MAP1B: variants seen among roughly 807,000 people sequenced by gnomAD.
MAP1B encodes the protein microtubule associated protein 1B, also known as microtubule-associated protein 1B.
MAP1B carries 12 observed loss-of-function variants against 176.1 expected under a neutral mutation model. The ratio of observed to expected loss-of-function variants is 0.07; its 90% CI spans 0.04 to 0.11. The LOEUF is 0.11. Among genes scored for constraint, MAP1B ranks in the 10% least tolerant of loss-of-function variants. The pLI is 1.00. For missense variants in MAP1B, 2,523 were observed against 2,990.5 expected, an observed-to-expected ratio of 0.84 and a Z score of 3.65; for synonymous variants, 1,044 against 1,135.0, an observed-to-expected ratio of 0.92 and a Z score of 1.61.
In MAP1B at chr5:72,195,933, C is replaced by T. The variant is rs763571891; in HGVS notation, c.2578C>T (p.Leu860=). 1 of 1,614,222 alleles carries T rather than the reference C, an allele frequency of 6.2e-7. No homozygotes were observed. Among genetic ancestry groups the T allele is most frequent in the East Asian group, 2.2e-5 (1 of 44,882 alleles). ...AAAGGACATCAAGCCTCAGCTGGAG[C>T]TAATCGAAGACGAAGAGAAACTGAA... ...VTKDIKPQLE[L]IEDEEKLKET... The change falls in exon 5 of 7, where the codon CTA becomes TTA. Residue 860 remains leucine (L), a synonymous_variant. Transcript: ENST00000296755.
intron 2 of MAP1B, among the ~76,000 whole-genome samples, chr5:72,174,398 C>A (rs1746609414): frequency 6.6e-6 from 1 of 152,194 alleles, no homozygotes; most frequent in Admixed American, 6.5e-5. Context: ...ATAGAACTGA[C>A]CACAATATGC....
Position 72,200,026 on chromosome 5 carries a change from C to T in MAP1B, c.6671C>T (p.Ala2224Val). The T allele has an allele frequency of 6.2e-7, 1 of 1,614,204 alleles. No individual in the cohort carries two copies. The highest frequency in any genetic ancestry group is 8.5e-7 in the Non-Finnish European group (1 of 1,180,038). The change falls in exon 5 of 7, where the codon GCC becomes GTC. Residue 2224 changes from alanine (A) to valine (V), a missense_variant. By Grantham distance (64) the Ala-to-Val change is moderately conservative (BLOSUM62 0). Coordinates refer to ENST00000296755, the MANE Select transcript of MAP1B (RefSeq NM_005909.5). ...HPDVSMVDPE[A>V]LAIEQNLGKA... ...GATGTGTCCATGGTGGACCCAGAGG[C>T]CTTGGCCATTGAGCAGAACCTGGGC... is the stretch of plus-strand genomic sequence containing the variant.
chr5:72,147,565 T>C (rs138918338), intron 2 of MAP1B, among the ~76,000 whole-genome samples: 1 of 152,068 alleles, frequency 6.6e-6, no homozygotes, highest in Non-Finnish European at 1.5e-5. Flanking sequence ...CTGGCATAGA[T>C]GCTTGGTCCC....
chr5:72,169,306 C>T (rs898736768), intron 2 of MAP1B, among the ~76,000 whole-genome samples: 1 of 152,158 alleles, frequency 6.6e-6, no homozygotes, highest in African/African-American at 2.4e-5. Flanking sequence ...TAGGCAATGT[C>T]TTCTTTTTAA....
At chr5:72,154,492 G>A (rs1490029045) in intron 2 of MAP1B, among the ~76,000 whole-genome samples, 1 of 152,208 alleles carries the variant, frequency 6.6e-6, no homozygotes, top group African/African-American at 2.4e-5. Context: ...ATGGCCATGG[G>A]CAGGTGAGAG....
At chr5:72,158,440 C>A (rs1256321963) in intron 2 of MAP1B, among the ~76,000 whole-genome samples, 1 of 152,076 alleles carries the variant, frequency 6.6e-6, no homozygotes, top group East Asian at 1.9e-4. Flanking sequence ...GTGATTAAAG[C>A]AGTTGGAGAA....
At chr5:72,140,085 C>T (rs1745920115) in intron 2 of MAP1B, among the ~76,000 whole-genome samples, 1 of 152,156 alleles carries the variant, frequency 6.6e-6, no homozygotes, top group Admixed American at 6.5e-5. Flanking sequence ...GCCTCAGCCT[C>T]CCAAGTAGCT....
intron 2 of MAP1B, among the ~76,000 whole-genome samples, chr5:72,125,169 A>T (rs1745604384): frequency 6.6e-6 from 1 of 152,160 alleles, no homozygotes; most frequent in Non-Finnish European, 1.5e-5. Flanking sequence ...CCGCTTTTTT[A>T]TCTAGAATTC....
intron 2 of MAP1B, among the ~76,000 whole-genome samples, chr5:72,154,441 A>G (rs1579998024): frequency 6.6e-6 from 1 of 152,178 alleles, no homozygotes; most frequent in East Asian, 1.9e-4. Context: ...ATATGACACA[A>G]AGGGATGTTT....
Position 72,198,930 on chromosome 5 carries a change from G to A in MAP1B, c.5575G>A (p.Asp1859Asn). ...RDLSTPGLEK[D>N]SGGKTPGDFS... The stretch of plus-strand genomic sequence containing the variant: ...TTTGTCCACACCTGGCCTGGAGAAG[G>A]ACAGTGGAGGGAAGACACCTGGTGA... The change falls in exon 5 of 7, where the codon GAC (aspartate) becomes AAC (asparagine). Residue 1859 changes from aspartate (D) to asparagine (N), a missense_variant. By Grantham distance (23) the Asp-to-Asn change is conservative (BLOSUM62 1). Coordinates refer to ENST00000296755, the MANE Select transcript of MAP1B (RefSeq NM_005909.5). The A allele has an allele frequency of 6.2e-7, 1 of 1,614,234 alleles. No individual in the cohort carries two copies. Among genetic ancestry groups the A allele is most frequent in the South Asian group, 1.1e-5 (1 of 91,080 alleles).
At chr5:72,130,120 A>G (rs1745702096) in intron 2 of MAP1B, among the ~76,000 whole-genome samples, 1 of 151,800 alleles carries the variant, frequency 6.6e-6, no homozygotes, top group Non-Finnish European at 1.5e-5. Context: ...AAAATAAAAT[A>G]AAATAAATTA....
rs559186362 is a variant in MAP1B at position 72,195,950 on chromosome 5, G to A, written c.2595G>A (p.Glu865=). The A allele has an allele frequency of 2.1e-5, 34 of 1,614,216 alleles. No individual in the cohort carries two copies. In the South Asian group the frequency reaches 3.7e-4, roughly 18 times the overall value. ...KPQLELIEDE[E]KLKETEPVEA... is the part of the protein sequence containing the mutation. Reference sequence around the variant, plus strand: ...AGCTGGAGCTAATCGAAGACGAAGAGAAACTGAAGGAAACTGAGCCAGTCG... The same window carrying A: ...AGCTGGAGCTAATCGAAGACGAAGAAAAACTGAAGGAAACTGAGCCAGTCG... Residue 865 remains glutamate, a synonymous_variant, in exon 5 of 7, where the codon GAG becomes GAA. Coordinates refer to ENST00000296755, the MANE Select transcript of MAP1B (RefSeq NM_005909.5).
intron 2 of MAP1B, among the ~76,000 whole-genome samples, chr5:72,137,899 GT>G (rs1483142731): frequency 2.0e-5 from 3 of 152,108 alleles, no homozygotes; most frequent in Non-Finnish European, 2.9e-5. Flanking sequence ...CATTTCCAAA[GT>G]TTTAAAATAG....
At chr5:72,139,352 G>T (rs141954079) in intron 2 of MAP1B, among the ~76,000 whole-genome samples, 1 of 152,186 alleles carries the variant, frequency 6.6e-6, no homozygotes, top group Non-Finnish European at 1.5e-5. Flanking sequence ...CTGGGTTCTC[G>T]TTCTGGCTGC....
rs765111292 is a variant in MAP1B at position 72,198,306 on chromosome 5, C to G, written c.4951C>G (p.Gln1651Glu). 1 of 1,614,146 alleles carries G rather than the reference C, an allele frequency of 6.2e-7. No homozygotes were observed. The highest frequency in any genetic ancestry group is 8.5e-7 in the Non-Finnish European group (1 of 1,180,038). Residue 1651 changes from glutamine (Q) to glutamate (E), a missense_variant, in exon 5 of 7, where the codon CAA becomes GAA. By Grantham distance (29) the Gln-to-Glu change is conservative. Transcript: ENST00000296755. ...EQSSMSIEFGQESPEQSLAMD... is the reference protein window; with the variant it reads ...EQSSMSIEFGEESPEQSLAMD... ...GTCCTCAATGTCTATTGAATTTGGCCAAGAATCTCCTGAGCAATCCCTTGC... is the reference window on the plus strand; with the variant it reads ...GTCCTCAATGTCTATTGAATTTGGCGAAGAATCTCCTGAGCAATCCCTTGC...
In MAP1B at chr5:72,196,022, C is replaced by T. The variant is rs571772065; in HGVS notation, c.2667C>T (p.Ala889=). 1.2e-5 allele frequency: 20 copies of T among 1,614,184 alleles called. No individual in the cohort carries two copies. Among genetic ancestry groups the T allele is most frequent in the Middle Eastern group, 1.6e-4 (1 of 6,062 alleles). The part of the protein sequence containing the change: ...QKEREVTKGP[A]ESPDEGITTT... The stretch of plus-strand genomic sequence containing the variant: ...AGAGAGAAGTCACCAAAGGTCCTGC[C>T]GAGTCCCCTGATGAGGGAATCACTA... Residue 889 remains alanine (A), a synonymous_variant, in exon 5 of 7, where the codon GCC becomes GCT. Coordinates refer to ENST00000296755, the MANE Select transcript of MAP1B (RefSeq NM_005909.5). This position sits in a 1 kb window ranked among gnomAD's most constrained non-coding sequence, Gnocchi z 5.3.
intron 1 of MAP1B, 52 bp downstream of exon 1, chr5:72,107,767 A>C (rs1321819194): frequency 1.9e-6 from 3 of 1,578,626 alleles, no homozygotes; most frequent in East Asian, 2.3e-5. Context: ...CGCAAACACG[A>C]CCCCACCCAG....
At chr5:72,114,146 C>T (rs1022063149) in intron 1 of MAP1B, among the ~76,000 whole-genome samples, 2 of 152,080 alleles carry the variant, frequency 1.3e-5, no homozygotes, top group African/African-American at 4.8e-5. Context: ...AATATTCCTC[C>T]TGGTTGAAAA....
chr5:72,180,875 G>C (rs1352200827), intron 2 of MAP1B, among the ~76,000 whole-genome samples: 1 of 152,052 alleles, frequency 6.6e-6, no homozygotes, highest in African/African-American at 2.4e-5. Flanking sequence ...GGCATTTGGT[G>C]TCTGTGCCTT....
Sources: gnomAD v4.1 joint callset for allele counts (sites outside exome capture counted in the v4.1 genomes callset) on GRCh38, gnomAD v4.1.1 for gene constraint, Gnocchi (gnomAD v3.1) non-coding constraint, MANE v1.5 for transcripts, NCBI Gene and HGNC (gene_info 2026-07-23, HGNC 2026-07-21) for gene names.